The following DLG1 variants were observed in gnomAD, a reference collection of about 807,000 sequenced individuals.
DLG1 encodes the protein disks large homolog 1.
A neutral mutation model predicts 123.4 loss-of-function variants in DLG1; 42 were observed. The observed-to-expected ratio is 0.34, with a 90% confidence interval of 0.27 to 0.44. The LOEUF is 0.44. DLG1 is among the 20% of genes least tolerant of loss of function. The probability of loss-of-function intolerance (pLI) is 1.00; values close to 1 mark genes in which losing one functional copy is unlikely to be tolerated. For missense variants in DLG1, 942 were observed against 1,082.6 expected, an observed-to-expected ratio of 0.87 and a Z score of 1.82; for synonymous variants, 317 against 356.2, an observed-to-expected ratio of 0.89 and a Z score of 1.24.
At chr3:197,238,443 C>G (rs900363067) in intron 4 of DLG1, among the ~76,000 whole-genome samples, 1 of 152,000 alleles carries the variant, frequency 6.6e-6, no homozygotes, top group African/African-American at 2.4e-5. Flanking sequence ...AATAGAAAGT[C>G]TAAGCAAAGA....
intron 10 of DLG1, among the ~76,000 whole-genome samples, chr3:197,131,181 G>A (rs1482270170): frequency 1.3e-5 from 2 of 152,070 alleles, no homozygotes; most frequent in African/African-American, 4.8e-5. Flanking sequence ...ATTTAGATTG[G>A]AAAACTATTA....
chr3:197,236,691 A>G (rs1746153957), intron 4 of DLG1, among the ~76,000 whole-genome samples: 1 of 152,124 alleles, frequency 6.6e-6, no homozygotes, highest in South Asian at 2.1e-4. Flanking sequence ...TGCAGAACCA[A>G]AGTCAAGAAA....
At chr3:197,247,412 T>C (rs1380302311) in intron 4 of DLG1, among the ~76,000 whole-genome samples, 1 of 152,028 alleles carries the variant, frequency 6.6e-6, no homozygotes, top group Non-Finnish European at 1.5e-5. Context: ...TAGTGGGCTG[T>C]TCAGGGGTAG....
intron 4 of DLG1, among the ~76,000 whole-genome samples, chr3:197,265,661 C>T (rs1205652197): frequency 6.6e-6 from 1 of 152,072 alleles, no homozygotes; most frequent in Non-Finnish European, 1.5e-5. Context: ...GGAACAAAAC[C>T]CAGAGCTCAC....
intron 4 of DLG1, chr3:197,260,463 A>G (rs1045246825): frequency 6.3e-5 from 13 of 204,916 alleles, no homozygotes; most frequent in Non-Finnish European, 1.1e-4. Context: ...TTTTTCTACT[A>G]TCTAAAATAC....
intron 14 of DLG1, among the ~76,000 whole-genome samples, chr3:197,093,916 T>C (rs868765499): frequency 1.3e-5 from 2 of 152,114 alleles, no homozygotes; most frequent in Non-Finnish European, 1.5e-5. Context: ...TTTGGGTCAT[T>C]TGTATGCCAA....
chr3:197,189,563 GA>G (rs1260879985), intron 5 of DLG1, among the ~76,000 whole-genome samples: 1 of 152,240 alleles, frequency 6.6e-6, no homozygotes, highest in East Asian at 1.9e-4. Flanking sequence ...ACTAGTGAGG[GA>G]AAGGGGACTA....
chr3:197,264,616 G>A (rs572444554), intron 4 of DLG1, among the ~76,000 whole-genome samples: 2 of 151,986 alleles, frequency 1.3e-5, no homozygotes, highest in African/African-American at 2.4e-5. Flanking sequence ...TAGTAGAGAC[G>A]GGGTTTTGAC....
At chr3:197,054,770 A>G (rs531821946) in intron 23 of DLG1, among the ~76,000 whole-genome samples, 34 of 151,952 alleles carry the variant, frequency 2.2e-4, no homozygotes, top group African/African-American at 8.0e-4. Context: ...TCAGCTTTGC[A>G]TGTAGCTGGG....
chr3:197,173,715 T>C (rs1027004584), intron 5 of DLG1, among the ~76,000 whole-genome samples: 3 of 152,230 alleles, frequency 2.0e-5, no homozygotes, highest in Non-Finnish European at 4.4e-5. Context: ...TTATGGACCA[T>C]GCAGTAATTG....
At chr3:197,270,666 TAC>T (rs1763539551) in intron 4 of DLG1, among the ~76,000 whole-genome samples, 1 of 152,300 alleles carries the variant, frequency 6.6e-6, no homozygotes, top group Non-Finnish European at 1.5e-5. Flanking sequence ...TACAACCCCA[TAC>T]ACACTTCACA....
chr3:197,296,251 G>A, intron 3 of DLG1, 95 bp downstream of exon 3: 5 of 1,243,026 alleles, frequency 4.0e-6, no homozygotes, highest in Non-Finnish European at 5.6e-6. Flanking sequence ...ATGCCTCAGA[G>A]AATTAAGTAC....
intron 5 of DLG1, among the ~76,000 whole-genome samples, chr3:197,178,247 G>A (rs1011051584): frequency 2.0e-5 from 3 of 152,276 alleles, no homozygotes; most frequent in African/African-American, 7.2e-5. Context: ...TATTGAATCA[G>A]TAGTTGCAGA....
rs1304004544 is a variant in DLG1, at chr3:197,210,974, A to C, written c.319-16385T>G. Among the ~76,000 whole-genome samples the C allele has an allele frequency of 2.0e-5, 3 of 146,374 alleles. 1 individual carries two copies. Among genetic ancestry groups the C allele is most frequent in the Non-Finnish European group, 4.6e-5 (3 of 65,274 alleles). ...ATGCTGTAAAGGATAATACATCATGACCAAATATGATTTATTTCAACAAGG... is the reference window on the plus strand; with the variant it reads ...ATGCTGTAAAGGATAATACATCATGCCCAAATATGATTTATTTCAACAAGG... On this transcript the variant is annotated intron_variant, in intron 4 of 24. Coordinates refer to ENST00000667157, the MANE Select transcript of DLG1 (RefSeq NM_001366207.1).
At chr3:197,069,303 A>C in intron 18 of DLG1, 43 bp from the exon 19 acceptor site, 1 of 1,371,282 alleles carries the variant, frequency 7.3e-7, no homozygotes, top group South Asian at 1.4e-5. Context: ...CAGTGTCATG[A>C]GTTTAAAAAG....
At chr3:197,134,106 T>G (rs745780949) in intron 10 of DLG1, among the ~76,000 whole-genome samples, 1 of 152,170 alleles carries the variant, frequency 6.6e-6, no homozygotes. Context: ...TTGACTGTGT[T>G]TGTGTGTGAG....
intron 16 of DLG1, among the ~76,000 whole-genome samples, chr3:197,081,765 G>A (rs1029180898): frequency 2.6e-5 from 4 of 152,150 alleles, no homozygotes; most frequent in Non-Finnish European, 5.9e-5. Context: ...GAGGTGAAAT[G>A]GGTGTTGTGA....
At chr3:197,132,179 TTGTC>T (rs1782978382) in intron 10 of DLG1, among the ~76,000 whole-genome samples, 1 of 152,148 alleles carries the variant, frequency 6.6e-6, no homozygotes, top group Non-Finnish European at 1.5e-5. Context: ...ACTTTCAGTT[TTGTC>T]TGTCTTCTTA....
At chr3:197,276,159 C>T (rs77402340) in intron 4 of DLG1, among the ~76,000 whole-genome samples, 31 of 152,296 alleles carry the variant, frequency 2.0e-4, no homozygotes, top group South Asian at 1.7e-3. Context: ...ATAATGGATA[C>T]ACAGAATATA....
Sources: allele counts gnomAD v4.1 joint callset (sites outside exome capture counted in the v4.1 genomes callset), GRCh38; gene constraint gnomAD v4.1.1; transcripts MANE v1.5; gene names NCBI Gene and HGNC (gene_info 2026-07-23, HGNC 2026-07-21).